The following EXT2 variants were observed in gnomAD, a reference collection of about 807,000 sequenced individuals.
EXT2 encodes the protein exostosin-2.
In EXT2, 53 loss-of-function variants were observed where a neutral mutation model predicts 81.6. The ratio of observed to expected loss-of-function variants is 0.65; its 90% CI spans 0.52 to 0.82. The LOEUF (loss-of-function observed/expected upper bound fraction) is 0.82, where lower values mean the gene tolerates loss of function less well. Ranked by LOEUF, EXT2 falls within the 40% of genes least tolerant of loss-of-function variation. The pLI is 0.00. For synonymous variants in EXT2, 320 were observed against 340.0 expected (o/e 0.94, Z 0.65); for missense variants, 774 against 910.2 (o/e 0.85, Z 1.93).
chr11:44,138,863 G>A (rs1430364140), intron 7 of EXT2, among the ~76,000 whole-genome samples: 1 of 152,082 alleles, frequency 6.6e-6, no homozygotes, highest in Non-Finnish European at 1.5e-5. Flanking sequence ...TGAGATGATT[G>A]ACTCAAAGCA....
chr11:44,204,381 T>TTG lies in EXT2; in HGVS notation c.1496-2396_1496-2395dup, dbSNP rs57961591. Reference sequence around the variant, plus strand: ...TTAATACAGTAAATAGACAATGTGTTTGTGTGTGTGTGTGTGTATCCTATA... The same window carrying TTG: ...TTAATACAGTAAATAGACAATGTGTTTGTGTGTGTGTGTGTGTGTATCCTATA... On this transcript the variant is annotated intron_variant, in intron 9 of 13. Transcript: ENST00000533608. 2.5e-3 allele frequency among the ~76,000 whole-genome samples: 378 copies of TTG among 151,224 alleles called. 2 individuals carry two copies. The highest frequency in any genetic ancestry group is 0.013 in the South Asian group (61 of 4,782).
intron 9 of EXT2, among the ~76,000 whole-genome samples, chr11:44,203,164 G>A (rs779906552): frequency 2.0e-5 from 3 of 152,076 alleles, no homozygotes; most frequent in Non-Finnish European, 4.4e-5. Flanking sequence ...CTTTTCATTC[G>A]ATAATCTTTC....
chr11:44,173,903 T>G (rs1028068462), intron 8 of EXT2, among the ~76,000 whole-genome samples: 1 of 152,226 alleles, frequency 6.6e-6, no homozygotes, highest in Admixed American at 6.5e-5. Flanking sequence ...AGGGGCATAC[T>G]TTCATATGTT....
chr11:44,177,720 T>TA (rs1955178232), intron 8 of EXT2, among the ~76,000 whole-genome samples: 1 of 98,484 alleles, frequency 1.0e-5, no homozygotes, highest in Non-Finnish European at 2.5e-5. Context: ...TTTTGATAGA[T>TA]GGTTTTTTTT....
intron 9 of EXT2, among the ~76,000 whole-genome samples, chr11:44,206,447 C>T (rs1427432405): frequency 1.3e-5 from 2 of 152,118 alleles, no homozygotes; most frequent in Non-Finnish European, 2.9e-5. Flanking sequence ...TTGGTCGAGT[C>T]GTTTTGCTTC....
chr11:44,130,017 A>T (rs777469726), intron 6 of EXT2, 28 bp from the exon 7 acceptor site: 1 of 1,551,392 alleles, frequency 6.4e-7, no homozygotes. Flanking sequence ...GGCTGTGTGT[A>T]TGTAAACTGT....
intron 7 of EXT2, among the ~76,000 whole-genome samples, chr11:44,160,939 C>T (rs552728514): frequency 6.6e-6 from 1 of 152,228 alleles, no homozygotes; most frequent in Admixed American, 6.5e-5. Flanking sequence ...CATTTGTATC[C>T]TTTTTCTGTT....
chr11:44,209,893 T>G (rs1404136214), intron 10 of EXT2, among the ~76,000 whole-genome samples: 1 of 152,266 alleles, frequency 6.6e-6, no homozygotes, highest in African/African-American at 2.4e-5. Flanking sequence ...CATGGCTGTC[T>G]TATTCATTGC....
chr11:44,103,779 T>C, intron 1 of EXT2: 1 of 328,222 alleles, frequency 3.0e-6, no homozygotes, highest in Non-Finnish European at 5.9e-6. Context: ...TTCCATGTTA[T>C]CTGAGTTTTC....
At chr11:44,096,048 C>G (rs1157607970) in intron 1 of EXT2, 196 bp downstream of exon 1, 8 of 640,094 alleles carry the variant, frequency 1.2e-5, no homozygotes, top group Non-Finnish European at 2.0e-5. Context: ...TTGGAGCGCT[C>G]CGATTTCCAC....
intron 10 of EXT2, among the ~76,000 whole-genome samples, chr11:44,229,491 CA>C (rs1305295775): frequency 2.6e-5 from 4 of 152,160 alleles, no homozygotes; most frequent in Non-Finnish European, 4.4e-5. Flanking sequence ...TGGTTTCACA[CA>C]AATGAAAGCT....
rs1403924121 is a variant in EXT2 at position 44,244,340 on chromosome 11, AAGGCCTCCC to A, written c.*56_*64del. On this transcript the variant is annotated 3_prime_UTR_variant, in exon 14 of 14. Transcript: ENST00000533608. ...TGAGGCTGGGACAGAGGGAGAGAAC[AAGGCCTCCC>A]AGCACTCTGATGTCAGAGTAGTAGG... 52 of 1,598,666 alleles carry A rather than the reference AAGGCCTCCC, an allele frequency of 3.3e-5. No individual in the cohort carries two copies. Among genetic ancestry groups the A allele is most frequent in the Non-Finnish European group, 4.3e-5 (50 of 1,166,252 alleles).
intron 9 of EXT2, among the ~76,000 whole-genome samples, chr11:44,201,573 C>G (rs1049192650): frequency 1.3e-5 from 2 of 152,122 alleles, no homozygotes; most frequent in African/African-American, 4.8e-5. Flanking sequence ...CTAAGCCCCT[C>G]TGTGTCTATT....
intron 7 of EXT2, chr11:44,144,360 C>T (rs192144599): frequency 6.0e-5 from 95 of 1,583,444 alleles, no homozygotes; most frequent in Admixed American, 4.5e-4. Context: ...CTTAGAAAAC[C>T]GGGCCCAGCA....
Position 44,244,450 on chromosome 11 carries a change from G to A in EXT2, c.*163G>A. 1.5e-6 allele frequency: 1 copy of A among 682,496 alleles called. No individual in the cohort carries two copies. The highest frequency in any genetic ancestry group is 1.7e-5 in the South Asian group (1 of 57,740). 42.3% of individuals were successfully genotyped at this position (682,496 alleles called of 1,614,324 possible). ...CCACTTTCTCAAGAACAAGAACCTA[G>A]AATGAATATCCAAGCACCTCGAGCT... On this transcript the variant is annotated 3_prime_UTR_variant, in exon 14 of 14. Transcript: ENST00000533608.
rs147621365 is a variant in EXT2 at position 44,136,240 on chromosome 11, C to A, written c.1173+6102C>A. Among the ~76,000 whole-genome samples the A allele has an allele frequency of 8.3e-4, 127 of 152,250 alleles. 1 individual carries two copies. Among genetic ancestry groups the A allele is most frequent in the African/African-American group, 2.9e-3 (119 of 41,540 alleles). On this transcript the variant is annotated intron_variant, in intron 7 of 13. Transcript: ENST00000533608. ...CTGTGTCAATTTCTCCCTCCTTTCC[C>A]ACCCCCAGTGTACACCAGTTTACAA...
chr11:44,107,744 G>GC lies in EXT2; in HGVS notation c.32_33insC (p.Pro12SerfsTer44). 1.9e-6 allele frequency: 3 copies of GC among 1,614,142 alleles called. No individual in the cohort carries two copies. The highest frequency in any genetic ancestry group is 2.5e-6 in the Non-Finnish European group (3 of 1,180,032). On this transcript the variant is annotated frameshift_variant, in exon 2 of 14. Transcript: ENST00000533608. LOFTEE classifies it high-confidence loss of function. ...GCGTCGGTCAAGTATAATATCCGGG[G>GC]TCCTGCCCTCATCCCAAGAATGAAG...
intron 8 of EXT2, among the ~76,000 whole-genome samples, chr11:44,190,692 T>A (rs755802478): frequency 3.4e-4 from 52 of 152,132 alleles, no homozygotes; most frequent in Admixed American, 9.2e-4. Flanking sequence ...GCTGAAAGAG[T>A]CTTTTAGTTG....
intron 10 of EXT2, among the ~76,000 whole-genome samples, chr11:44,213,272 A>G (rs1233734473): frequency 6.6e-6 from 1 of 152,202 alleles, no homozygotes; most frequent in Admixed American, 6.5e-5. Context: ...GAAGTAGAAA[A>G]CAGACCAACA....
Sources: gnomAD v4.1 joint callset for allele counts (sites outside exome capture counted in the v4.1 genomes callset) on GRCh38, gnomAD v4.1.1 for gene constraint, MANE v1.5 for transcripts, NCBI Gene and HGNC (gene_info 2026-07-23, HGNC 2026-07-21) for gene names.